GRM3: variants seen among roughly 807,000 people sequenced by gnomAD.
GRM3 encodes metabotropic glutamate receptor 3.
In GRM3, 26 loss-of-function variants were observed where a neutral mutation model predicts 70.5. That is an observed-to-expected ratio of 0.37 (90% CI 0.27 to 0.51). The LOEUF (loss-of-function observed/expected upper bound fraction) is 0.51, where lower values mean the gene tolerates loss of function less well. Among genes scored for constraint, GRM3 ranks in the 20% least tolerant of loss-of-function variants. The probability of loss-of-function intolerance (pLI) is 0.93; values close to 1 mark genes in which losing one functional copy is unlikely to be tolerated. For synonymous variants in GRM3, 443 were observed against 434.9 expected (o/e 1.02, Z -0.23); for missense variants, 859 against 1,123.8 (o/e 0.76, Z 3.37).
At chr7:86,864,164 C>T in intron 5 of GRM3, 118 bp from the exon 6 acceptor site, 1 of 690,562 alleles carries the variant, frequency 1.4e-6, no homozygotes, top group East Asian at 2.5e-5. Flanking sequence ...AGTCTTTTAT[C>T]CCTCACCTCC....
At chr7:86,834,585 A>ATT (rs67542488) in intron 3 of GRM3, among the ~76,000 whole-genome samples, 2,753 of 134,338 alleles carry the variant, frequency 0.02, 95 homozygotes, top group African/African-American at 0.067. Context: ...TGCTTTCTCC[A>ATT]TTTTTTTTTT....
At chr7:86,655,734 A>G (rs528122141) in intron 1 of GRM3, among the ~76,000 whole-genome samples, 1 of 152,082 alleles carries the variant, frequency 6.6e-6, no homozygotes, top group East Asian at 1.9e-4. Context: ...TTAGGGGTGG[A>G]AGGTAGGCGA....
chr7:86,709,921 T>C (rs1048263712), intron 1 of GRM3, among the ~76,000 whole-genome samples: 1 of 152,116 alleles, frequency 6.6e-6, no homozygotes, highest in Admixed American at 6.6e-5. Context: ...GAAACATTTG[T>C]CCTTGTAGGG....
intron 5 of GRM3, among the ~76,000 whole-genome samples, chr7:86,855,879 C>T (rs539937656): frequency 6.6e-6 from 1 of 152,098 alleles, no homozygotes; most frequent in Non-Finnish European, 1.5e-5. Flanking sequence ...GTTCAGCCCC[C>T]GAAAAACAGC....
chr7:86,767,131 G>A (rs1254193887), intron 2 of GRM3, among the ~76,000 whole-genome samples: 2 of 151,898 alleles, frequency 1.3e-5, no homozygotes, highest in Admixed American at 1.3e-4. Flanking sequence ...AGAATCACTT[G>A]AACCCAGGGG....
chr7:86,850,635 T>C, intron 5 of GRM3, 91 bp downstream of exon 5: 1 of 836,330 alleles, frequency 1.2e-6, no homozygotes, highest in Non-Finnish European at 2.0e-6. Context: ...TCTGTCCCCA[T>C]GAACAATCTC....
chr7:86,742,248 G>A (rs1796007197), intron 1 of GRM3, among the ~76,000 whole-genome samples: 1 of 152,118 alleles, frequency 6.6e-6, no homozygotes, highest in Admixed American at 6.6e-5. Context: ...AGAAGCAGCA[G>A]GATCAGGAAG....
intron 1 of GRM3, among the ~76,000 whole-genome samples, chr7:86,653,458 C>T (rs1050981742): frequency 2.0e-5 from 3 of 152,212 alleles, no homozygotes; most frequent in African/African-American, 4.8e-5. Flanking sequence ...GTATAAAGTA[C>T]ATTCTACAAG....
intron 3 of GRM3, among the ~76,000 whole-genome samples, chr7:86,816,271 T>C (rs1315793229): frequency 6.6e-6 from 1 of 151,914 alleles, no homozygotes; most frequent in Non-Finnish European, 1.5e-5. Flanking sequence ...TCCTTGAAGC[T>C]TACTAAGCGA....
At chr7:86,749,599 G>C (rs753291896) in intron 1 of GRM3, among the ~76,000 whole-genome samples, 1 of 152,086 alleles carries the variant, frequency 6.6e-6, no homozygotes, top group East Asian at 1.9e-4. Context: ...CCCTCTCTAG[G>C]CAGGATCATT....
At chr7:86,754,496 A>G (rs1796299647) in intron 1 of GRM3, among the ~76,000 whole-genome samples, 3 of 152,220 alleles carry the variant, frequency 2.0e-5, no homozygotes, top group South Asian at 4.1e-4. Flanking sequence ...TTCTGGAAAG[A>G]GCTGTCATTA....
rs563482136 is a variant in GRM3 at position 86,828,023 on chromosome 7, A to T, written c.1325-10816A>T. 5.0e-3 allele frequency among the ~76,000 whole-genome samples: 758 copies of T among 150,302 alleles called. 12 individuals carry two copies. Among genetic ancestry groups the T allele is most frequent in the African/African-American group, 0.018 (726 of 40,998 alleles). On this transcript the variant is annotated intron_variant, in intron 3 of 5. Coordinates refer to ENST00000361669, the MANE Select transcript of GRM3 (RefSeq NM_000840.3). ...GGTACTCGGGAGGCTGAGGCGGGAG[A>T]ATGGTGTGAACCCGGGAGGCAGAGC...
At chr7:86,723,835 G>A (rs1042543830) in intron 1 of GRM3, among the ~76,000 whole-genome samples, 2 of 152,120 alleles carry the variant, frequency 1.3e-5, no homozygotes, top group Non-Finnish European at 2.9e-5. Flanking sequence ...ATCATAGGAG[G>A]CATAGATTGT....
chr7:86,849,308 G>T (rs1258020686), intron 4 of GRM3, among the ~76,000 whole-genome samples: 1 of 152,178 alleles, frequency 6.6e-6, no homozygotes, highest in African/African-American at 2.4e-5. Context: ...GGGGTCCCAA[G>T]GTGGAGAGCA....
At chr7:86,673,045 T>C (rs1794212731) in intron 1 of GRM3, among the ~76,000 whole-genome samples, 1 of 152,160 alleles carries the variant, frequency 6.6e-6, no homozygotes, top group African/African-American at 2.4e-5. Context: ...TAAGCTGTTA[T>C]CTATGGGATT....
intron 1 of GRM3, among the ~76,000 whole-genome samples, chr7:86,737,474 T>C (rs1321798444): frequency 6.6e-6 from 1 of 152,198 alleles, no homozygotes; most frequent in Non-Finnish European, 1.5e-5. Flanking sequence ...TTGTAAAACA[T>C]GAATAATTAT....
chr7:86,862,160 G>A (rs1240048893), intron 5 of GRM3, among the ~76,000 whole-genome samples: 3 of 152,140 alleles, frequency 2.0e-5, no homozygotes, highest in Non-Finnish European at 4.4e-5. Flanking sequence ...TTCAGCTATG[G>A]CCACTGATTT....
intron 2 of GRM3, among the ~76,000 whole-genome samples, chr7:86,777,010 G>T (rs1366740019): frequency 6.6e-6 from 1 of 152,168 alleles, no homozygotes; most frequent in Non-Finnish European, 1.5e-5. Flanking sequence ...CTTCTTGTTT[G>T]TCTTGTAAGT....
chr7:86,799,236 G>C (rs1797625845), intron 3 of GRM3, among the ~76,000 whole-genome samples: 1 of 152,180 alleles, frequency 6.6e-6, no homozygotes, highest in African/African-American at 2.4e-5. Flanking sequence ...TTGCTTATCA[G>C]CTTAAGAAGG....
Sources: gnomAD v4.1 joint callset for allele counts (sites outside exome capture counted in the v4.1 genomes callset) on GRCh38, gnomAD v4.1.1 for gene constraint, MANE v1.5 for transcripts, NCBI Gene and HGNC (gene_info 2026-07-23, HGNC 2026-07-21) for gene names.